The following PLXNC1 variants were observed in gnomAD, a reference collection of about 807,000 sequenced individuals.
The protein encoded by PLXNC1 is plexin C1.
A neutral mutation model predicts 178.2 loss-of-function variants in PLXNC1; 75 were observed. The ratio of observed to expected loss-of-function variants is 0.42; its 90% CI spans 0.35 to 0.51. The LOEUF (loss-of-function observed/expected upper bound fraction) is 0.51, where lower values mean the gene tolerates loss of function less well. PLXNC1 is among the 20% of genes least tolerant of loss of function. PLXNC1 has a pLI of 0.02. For synonymous variants in PLXNC1, 790 were observed against 779.9 expected (o/e 1.01, Z -0.22); for missense variants, 1,503 against 1,984.4 (o/e 0.76, Z 4.61).
chr12:94,188,826 G>A (rs1157341647), intron 4 of PLXNC1, among the ~76,000 whole-genome samples: 1 of 152,250 alleles, frequency 6.6e-6, no homozygotes, highest in Non-Finnish European at 1.5e-5. Context: ...CACCCTCAGT[G>A]GTAGGAGGGA....
intron 5 of PLXNC1, among the ~76,000 whole-genome samples, chr12:94,210,965 A>C (rs535042500): frequency 1.6e-4 from 25 of 152,248 alleles, no homozygotes; most frequent in African/African-American, 5.5e-4. Flanking sequence ...TATACCCAGG[A>C]CTCTGATAAG....
At chr12:94,283,175 G>A (rs1322708161) in intron 23 of PLXNC1, among the ~76,000 whole-genome samples, 2 of 152,150 alleles carry the variant, frequency 1.3e-5, no homozygotes, top group Non-Finnish European at 2.9e-5. Context: ...GGAGAGACAA[G>A]TAGAGTCAAC....
intron 23 of PLXNC1, among the ~76,000 whole-genome samples, chr12:94,288,278 C>T (rs1352673038): frequency 2.6e-5 from 4 of 152,116 alleles, no homozygotes; most frequent in Admixed American, 6.5e-5. Context: ...GCCAGCAGTC[C>T]GTGAAGATGA....
At chr12:94,219,751 T>C (rs989627257) in intron 5 of PLXNC1, among the ~76,000 whole-genome samples, 3 of 152,044 alleles carry the variant, frequency 2.0e-5, no homozygotes, top group African/African-American at 4.8e-5. Context: ...AAGAATATGC[T>C]CTTTACAGAA....
chr12:94,268,039 G>A (rs1965347522), intron 21 of PLXNC1, among the ~76,000 whole-genome samples: 1 of 152,190 alleles, frequency 6.6e-6, no homozygotes, highest in South Asian at 2.1e-4. Flanking sequence ...GGAAAGGAAA[G>A]TCGGAAATCA....
chr12:94,301,358 A>G (rs1458652155), intron 28 of PLXNC1, among the ~76,000 whole-genome samples: 1 of 152,252 alleles, frequency 6.6e-6, no homozygotes, highest in East Asian at 1.9e-4. Context: ...CTGATAAACT[A>G]TTAACCCAAA....
chr12:94,232,020 T>C (rs1010770018), intron 9 of PLXNC1, among the ~76,000 whole-genome samples: 1 of 152,232 alleles, frequency 6.6e-6, no homozygotes, highest in African/African-American at 2.4e-5. Context: ...TACAAAGTCA[T>C]ATCCCCTGGC....
chr12:94,284,137 G>A (rs2136155726), intron 23 of PLXNC1, among the ~76,000 whole-genome samples: 1 of 151,076 alleles, frequency 6.6e-6, no homozygotes, highest in South Asian at 2.1e-4. Flanking sequence ...CTCAAGCACT[G>A]GTCTTAGGTT....
At chr12:94,156,623 G>A (rs1592716961) in intron 1 of PLXNC1, among the ~76,000 whole-genome samples, 2 of 151,800 alleles carry the variant, frequency 1.3e-5, no homozygotes, top group East Asian at 1.9e-4. Context: ...GACCACAGGC[G>A]GGTGCTATCA....
At chr12:94,303,693 C>CTTTTTT in intron 28 of PLXNC1, 63 bp from the exon 29 acceptor site, 1 of 699,128 alleles carries the variant, frequency 1.4e-6, no homozygotes, top group Non-Finnish European at 1.9e-6. Flanking sequence ...ATTCCTCCAT[C>CTTTTTT]TTTTTTTTTT....
At chr12:94,186,526 G>A (rs558992200) in intron 4 of PLXNC1, 53 bp downstream of exon 4, 8 of 1,126,414 alleles carry the variant, frequency 7.1e-6, no homozygotes, top group Admixed American at 1.8e-5. Context: ...AGTGTCATGC[G>A]GCAGAACACT....
intron 22 of PLXNC1, among the ~76,000 whole-genome samples, chr12:94,281,473 A>G (rs570569465): frequency 1.3e-4 from 20 of 152,308 alleles, no homozygotes; most frequent in African/African-American, 4.3e-4. Context: ...CCAAGGGGAC[A>G]GTGCCATTTG....
chr12:94,158,496 T>G (rs1961259912), intron 1 of PLXNC1, among the ~76,000 whole-genome samples: 1 of 152,118 alleles, frequency 6.6e-6, no homozygotes, highest in African/African-American at 2.4e-5. Context: ...GAGAAAAAGG[T>G]TAGAAAATTA....
chr12:94,212,516 C>T (rs1032891885), intron 5 of PLXNC1, among the ~76,000 whole-genome samples: 27 of 149,676 alleles, frequency 1.8e-4, no homozygotes, highest in Non-Finnish European at 2.4e-4. Context: ...TGATGTTCCC[C>T]GCCCTGTGAC....
intron 4 of PLXNC1, among the ~76,000 whole-genome samples, chr12:94,208,750 C>A (rs1963379904): frequency 6.6e-6 from 1 of 152,190 alleles, no homozygotes. Flanking sequence ...CGATAACGTG[C>A]TGTTGGTATT....
At chr12:94,247,872 G>T (rs749386238) in intron 12 of PLXNC1, 31 bp from the exon 13 acceptor site, 2 of 1,601,474 alleles carry the variant, frequency 1.2e-6, no homozygotes, top group Non-Finnish European at 1.7e-6. Flanking sequence ...CGTTAACAAA[G>T]TTACTAAAAC....
chr12:94,176,896 A>G (rs1393593370), intron 2 of PLXNC1, among the ~76,000 whole-genome samples: 1 of 151,814 alleles, frequency 6.6e-6, no homozygotes, highest in Admixed American at 6.6e-5. Flanking sequence ...TTTAAATATA[A>G]CACAAAGAGC....
chr12:94,251,446 G>A lies in PLXNC1; in HGVS notation c.2799G>A (p.Glu933=). The change falls in exon 15 of 31, where the codon GAG becomes GAA. Residue 933 remains glutamate (E), a synonymous_variant. Transcript: ENST00000258526. The stretch of plus-strand genomic sequence containing the variant: ...ATCAGGTCAAGCTGGGAAACCTGGA[G>A]CTCTACGTCGAGCAGGAGTCAGTTC... ...KKVRVKLGNL[E]LYVEQESVPS... 1.9e-6 allele frequency: 3 copies of A among 1,612,306 alleles called. No homozygotes were observed. Among genetic ancestry groups the A allele is most frequent in the Non-Finnish European group, 1.7e-6 (2 of 1,178,284 alleles).
At chr12:94,240,745 T>C in intron 11 of PLXNC1, 81 bp downstream of exon 11, 1 of 1,135,024 alleles carries the variant, frequency 8.8e-7, no homozygotes, top group East Asian at 2.4e-5. Flanking sequence ...TTCAAGTAAA[T>C]TCAGAAACAG....
Sources: gnomAD v4.1 joint callset for allele counts (sites outside exome capture counted in the v4.1 genomes callset) on GRCh38, gnomAD v4.1.1 for gene constraint, MANE v1.5 for transcripts, NCBI Gene and HGNC (gene_info 2026-07-23, HGNC 2026-07-21) for gene names.